LYPLAL1: variants seen among roughly 807,000 people sequenced by gnomAD.
LYPLAL1 encodes lysophospholipase-like protein 1.
A neutral mutation model predicts 19.7 loss-of-function variants in LYPLAL1; 23 were observed. That is an observed-to-expected ratio of 1.17 (90% CI 0.84 to 1.65). The LOEUF (loss-of-function observed/expected upper bound fraction) is 1.65. Among genes scored for constraint, LYPLAL1 ranks in the 40% most tolerant of loss-of-function variants. The pLI is 0.00. For synonymous variants in LYPLAL1, 119 were observed against 96.3 expected (o/e 1.24, Z -1.38); for missense variants, 355 against 279.4 (o/e 1.27, Z -1.93).
chr1:219,217,351 G>A (rs1480279790), downstream of LYPLAL1, among the ~76,000 whole-genome samples: 3 of 141,372 alleles, frequency 2.1e-5, no homozygotes, highest in Non-Finnish European at 4.6e-5. Context: ...CAGATTCAAG[G>A]TATCGTTAGT....
chr1:219,409,972 G>A, the LYPLAL1 span: 5 of 152,216 alleles, frequency 3.3e-5, no homozygotes, highest in African/African-American at 1.2e-4. Context: ...CACTACATTT[G>A]TACCGTTTTT....
chr1:219,311,978 G>A, the LYPLAL1 span, among the ~76,000 whole-genome samples: 2 of 152,160 alleles, frequency 1.3e-5, no homozygotes, highest in African/African-American at 4.8e-5. Flanking sequence ...CCCGTTGGAA[G>A]GTTACAGTGG....
At chr1:219,319,420 A>G in the LYPLAL1 span, among the ~76,000 whole-genome samples, 1 of 152,132 alleles carries the variant, frequency 6.6e-6, no homozygotes, top group South Asian at 2.1e-4. Flanking sequence ...TGCTGAGAGG[A>G]TTCCATGAGG....
the LYPLAL1 span, among the ~76,000 whole-genome samples, chr1:219,383,064 A>C: frequency 6.6e-6 from 1 of 152,202 alleles, no homozygotes; most frequent in African/African-American, 2.4e-5. Context: ...CTGTTCATGA[A>C]GTCAAAAACC....
chr1:219,174,042 C>T (rs1054775848), intron 1 of LYPLAL1, 61 bp downstream of exon 1: 9 of 1,605,556 alleles, frequency 5.6e-6, no homozygotes, highest in Non-Finnish European at 6.8e-6. Context: ...CCCTCGGTTA[C>T]CCCAGTATTG....
chr1:219,197,219 C>T (rs1049157712), intron 3 of LYPLAL1, among the ~76,000 whole-genome samples: 1 of 152,178 alleles, frequency 6.6e-6, no homozygotes, highest in African/African-American at 2.4e-5. Flanking sequence ...TGCTACCCAA[C>T]TTCAAACTAT....
the LYPLAL1 span, among the ~76,000 whole-genome samples, chr1:219,436,318 C>T: frequency 1.3e-5 from 2 of 152,130 alleles, no homozygotes; most frequent in African/African-American, 4.8e-5. Context: ...CCCCCTTTTC[C>T]ATAAAATAAA....
At chr1:219,252,354 G>C in the LYPLAL1 span, among the ~76,000 whole-genome samples, 283 of 152,180 alleles carry the variant, frequency 1.9e-3, 2 homozygotes, top group South Asian at 0.023. Context: ...TCCTTGTCTT[G>C]TCCCAGTTTT....
the LYPLAL1 span, among the ~76,000 whole-genome samples, chr1:219,322,668 T>G: frequency 6.6e-6 from 1 of 152,154 alleles, no homozygotes; most frequent in East Asian, 1.9e-4. Context: ...TGAGCTTAAA[T>G]TGTGCGATGC....
the LYPLAL1 span, among the ~76,000 whole-genome samples, chr1:219,310,409 G>A: frequency 6.6e-6 from 1 of 152,188 alleles, no homozygotes; most frequent in Non-Finnish European, 1.5e-5. Context: ...ATTGGAATTT[G>A]TGGGTTTGAA....
the LYPLAL1 span, among the ~76,000 whole-genome samples, chr1:219,386,477 C>A: frequency 6.6e-6 from 1 of 152,146 alleles, no homozygotes; most frequent in Non-Finnish European, 1.5e-5. Context: ...AGCCAGAGTT[C>A]TCCCAGTGGC....
the LYPLAL1 span, chr1:219,409,943 T>A: frequency 2.4e-4 from 36 of 152,384 alleles, no homozygotes; most frequent in African/African-American, 6.7e-4. Context: ...CAAAATAATT[T>A]GTTTTGAAAT....
At chr1:219,176,081 A>T (rs1477364904) in intron 1 of LYPLAL1, among the ~76,000 whole-genome samples, 1 of 152,204 alleles carries the variant, frequency 6.6e-6, no homozygotes, top group African/African-American at 2.4e-5. Flanking sequence ...AAAGCTTGAG[A>T]TTTTCTTCTA....
chr1:219,242,752 A>G, the LYPLAL1 span, among the ~76,000 whole-genome samples: 56 of 151,510 alleles, frequency 3.7e-4, no homozygotes, highest in African/African-American at 1.1e-3. Context: ...TAAAAAATTA[A>G]TATAGTTTTA....
the LYPLAL1 span, among the ~76,000 whole-genome samples, chr1:219,434,929 G>T: frequency 7.2e-5 from 11 of 151,970 alleles, no homozygotes; most frequent in African/African-American, 2.4e-4. Context: ...CTGGGATAAT[G>T]GTCCAGCTTG....
At chr1:219,257,803 G>A in the LYPLAL1 span, among the ~76,000 whole-genome samples, 1 of 152,046 alleles carries the variant, frequency 6.6e-6, no homozygotes, top group African/African-American at 2.4e-5. Flanking sequence ...GAACTGGTCT[G>A]ATCTCAATTT....
At chr1:219,271,099 C>G in the LYPLAL1 span, 1 of 152,508 alleles carries the variant, frequency 6.6e-6, no homozygotes, top group South Asian at 2.1e-4. Flanking sequence ...CACGCACCAC[C>G]ACGCCCAGCT....
chr1:219,184,096 C>G (rs1656520684), intron 2 of LYPLAL1, among the ~76,000 whole-genome samples: 1 of 151,714 alleles, frequency 6.6e-6, no homozygotes, highest in Non-Finnish European at 1.5e-5. Flanking sequence ...TACAAAACAC[C>G]TGTTTGGATT....
chr1:219,444,533 C>G, the LYPLAL1 span, among the ~76,000 whole-genome samples: 1 of 152,322 alleles, frequency 6.6e-6, no homozygotes, highest in East Asian at 1.9e-4. Context: ...TATAAAATCT[C>G]TCTTCTTCAA....
Sources: gnomAD v4.1 joint callset for allele counts (sites outside exome capture counted in the v4.1 genomes callset) on GRCh38, gnomAD v4.1.1 for gene constraint, MANE v1.5 for transcripts, NCBI Gene and HGNC (gene_info 2026-07-23, HGNC 2026-07-21) for gene names.